Variants in TBC1D30 observed in about 807,000 individuals in gnomAD.
TBC1D30 encodes the protein TBC1 domain family, member 30.
Under a neutral mutation model 63.2 loss-of-function variants are expected in TBC1D30, and 31 were observed. The ratio of observed to expected loss-of-function variants is 0.49; its 90% CI spans 0.37 to 0.66. TBC1D30 has a LOEUF of 0.66. Among genes scored for constraint, TBC1D30 ranks in the 30% least tolerant of loss-of-function variants. The probability of loss-of-function intolerance (pLI) is 0.00; values close to 1 mark genes in which losing one functional copy is unlikely to be tolerated. For missense variants in TBC1D30, 810 were observed against 953.6 expected, an observed-to-expected ratio of 0.85 and a Z score of 1.98; for synonymous variants, 307 against 361.5, an observed-to-expected ratio of 0.85 and a Z score of 1.71.
intron 8 of TBC1D30, among the ~76,000 whole-genome samples, chr12:64,844,306 CTT>C (rs148554615): frequency 0.029 from 4,417 of 152,146 alleles, 196 homozygotes; most frequent in African/African-American, 0.1. Flanking sequence ...TTCATCAAGT[CTT>C]TGAAATTGAC....
At chr12:64,762,007 CA>C (rs1452406684) in intron 1 of TBC1D30, among the ~76,000 whole-genome samples, 3 of 152,112 alleles carry the variant, frequency 2.0e-5, no homozygotes. Context: ...TATATGATTA[CA>C]AATAGACATG....
intron 2 of TBC1D30, among the ~76,000 whole-genome samples, chr12:64,809,422 C>T (rs1873076151): frequency 6.6e-6 from 1 of 152,156 alleles, no homozygotes; most frequent in African/African-American, 2.4e-5. Context: ...CTGCAAATGC[C>T]ATTATTTCAT....
At chr12:64,792,690 C>T (rs1871994191) in intron 2 of TBC1D30, among the ~76,000 whole-genome samples, 1 of 152,166 alleles carries the variant, frequency 6.6e-6, no homozygotes, top group South Asian at 2.1e-4. Context: ...TTGCTTCAGC[C>T]TCCCCAAGTA....
intron 2 of TBC1D30, among the ~76,000 whole-genome samples, chr12:64,803,087 G>A (rs1176532871): frequency 6.6e-6 from 1 of 152,160 alleles, no homozygotes; most frequent in Non-Finnish European, 1.5e-5. Flanking sequence ...CTTCCACAAT[G>A]GTTGAACTAG....
chr12:64,826,297 T>C (rs1017139379), intron 1 of TBC1D30, among the ~76,000 whole-genome samples: 9 of 152,180 alleles, frequency 5.9e-5, no homozygotes, highest in Non-Finnish European at 7.3e-5. Context: ...GAGAGGATAG[T>C]TGTGGTTTTG....
rs146935911 is a variant in TBC1D30 at position 64,843,232 on chromosome 12, C to A, written c.933-148C>A. 42 of 640,626 alleles carry A rather than the reference C, an allele frequency of 6.6e-5. No individual in the cohort carries two copies. The African/African-American group carries it at 7.0e-4, about 11-fold the overall frequency. The allele number at this position is 640,626 out of a possible 1,614,324, so 39.7% of individuals were successfully genotyped here. A position where few individuals can be genotyped will look rare whatever the true frequency, so the allele number is the denominator to read the frequency against. On this transcript the variant is annotated intron_variant, in intron 7 of 11. Coordinates refer to ENST00000539867, the MANE Select transcript of TBC1D30 (RefSeq NM_015279.2). ...CTGCATTGAGGCTCCTGGCCTCAAG[C>A]AATCCTCCCGCCCCAGCCTCCCAGA...
intron 2 of TBC1D30, among the ~76,000 whole-genome samples, chr12:64,819,642 C>T (rs970061404): frequency 6.6e-6 from 1 of 151,952 alleles, no homozygotes; most frequent in East Asian, 1.9e-4. Context: ...GTCAGTCTCC[C>T]GAAGTGCTGA....
At chr12:64,832,046 C>CAA in intron 4 of TBC1D30, 73 bp from the exon 5 acceptor site, 10 of 1,156,006 alleles carry the variant, frequency 8.7e-6, no homozygotes, top group East Asian at 3.1e-5. Context: ...TTTATTGAGT[C>CAA]AAAAAAAAAA....
intron 8 of TBC1D30, among the ~76,000 whole-genome samples, chr12:64,848,388 G>A (rs1876576116): frequency 6.6e-6 from 1 of 151,664 alleles, no homozygotes; most frequent in African/African-American, 2.4e-5. Flanking sequence ...ACCTGTCATC[G>A]ATGTTAGGTA....
intron 2 of TBC1D30, 24 bp downstream of exon 2, chr12:64,827,920 C>T: frequency 2.0e-6 from 3 of 1,510,108 alleles, no homozygotes; most frequent in Non-Finnish European, 2.7e-6. Flanking sequence ...TGAAAACACT[C>T]TTCTTTTGGG....
rs144142724 is a variant in TBC1D30 at position 64,793,236 on chromosome 12, G to A, written c.643+7191G>A. The stretch of plus-strand genomic sequence containing the variant: ...CATGCATCTGTAGTCCCAGCTACTC[G>A]GGAGGCTGAGGCATGATAATCACAT... On this transcript the variant is annotated intron_variant, in intron 2 of 12. Transcript: ENST00000542120. 3.0e-3 allele frequency among the ~76,000 whole-genome samples: 457 copies of A among 151,654 alleles called. 1 individual carries two copies. The highest frequency in any genetic ancestry group is 5.7e-3 in the Non-Finnish European group (384 of 67,868).
intron 5 of TBC1D30, among the ~76,000 whole-genome samples, chr12:64,833,716 C>T (rs1027097900): frequency 3.9e-5 from 6 of 152,288 alleles, no homozygotes; most frequent in African/African-American, 1.4e-4. Context: ...CTCACTTTTT[C>T]CATTGATGTA....
intron 4 of TBC1D30, among the ~76,000 whole-genome samples, chr12:64,831,823 T>C (rs751997395): frequency 1.3e-5 from 2 of 152,198 alleles, no homozygotes. Flanking sequence ...CATGAAATTA[T>C]ACTGTAATTA....
chr12:64,792,159 A>G (rs1415900594), intron 2 of TBC1D30, among the ~76,000 whole-genome samples: 1 of 152,240 alleles, frequency 6.6e-6, no homozygotes, highest in African/African-American at 2.4e-5. Context: ...TAATACATAT[A>G]TGTATTTTTT....
At chr12:64,773,013 A>C (rs1870960694) in intron 1 of TBC1D30, among the ~76,000 whole-genome samples, 1 of 152,246 alleles carries the variant, frequency 6.6e-6, no homozygotes, top group African/African-American at 2.4e-5. Context: ...TTCTGCATTA[A>C]TAGTTTACTC....
At chr12:64,859,471 T>C (rs888165591) in intron 8 of TBC1D30, among the ~76,000 whole-genome samples, 1 of 152,128 alleles carries the variant, frequency 6.6e-6, no homozygotes, top group African/African-American at 2.4e-5. Flanking sequence ...CACGGGCAGC[T>C]CTGTGAAGGA....
Position 64,840,004 on chromosome 12 carries a change from C to CAAAAAAAAAA in TBC1D30, c.932+1168_932+1177dup, listed in dbSNP as rs60440376. ...TGGACGACAGAGCAAGACTCTGTCT[C>CAAAAAAAAAA]AAAAAAAAAAAAAAAAAAAAAAAAT... On this transcript the variant is annotated intron_variant, in intron 7 of 11. Transcript: ENST00000539867. 1.0e-3 allele frequency among the ~76,000 whole-genome samples: 98 copies of CAAAAAAAAAA among 98,314 alleles called. 5 individuals carry two copies. The highest frequency in any genetic ancestry group is 4.8e-3 in the African/African-American group (92 of 19,328). The allele number at this position is 98,314 out of a possible 152,430, so 64.5% of individuals were successfully genotyped here.
rs1393727338 is a variant in TBC1D30, at chr12:64,875,364, A to G, written c.1862A>G (p.Glu621Gly). The change falls in exon 12 of 12, where the codon GAA (glutamate) becomes GGA (glycine). Residue 621 changes from glutamate to glycine, a missense_variant. Physicochemically the swap from Glu to Gly is moderately conservative, Grantham distance 98. Coordinates refer to ENST00000539867, the MANE Select transcript of TBC1D30 (RefSeq NM_015279.2). Reference protein sequence around the residue: ...PSGCTATAGREGSSPEGSTRR... With the variant: ...PSGCTATAGRGGSSPEGSTRR... The stretch of plus-strand genomic sequence containing the variant: ...GGTTGTACAGCGACAGCTGGGAGAG[A>G]AGGCAGCAGCCCTGAAGGCAGTACC... 6.5e-7 allele frequency: 1 copy of G among 1,536,072 alleles called. No individual in the cohort carries two copies. Among genetic ancestry groups the G allele is most frequent in the East Asian group, 2.4e-5 (1 of 40,920 alleles).
intron 2 of TBC1D30, among the ~76,000 whole-genome samples, chr12:64,819,471 C>T (rs1873759324): frequency 7.4e-6 from 1 of 134,374 alleles, no homozygotes; most frequent in African/African-American, 2.8e-5. Context: ...GCTGCCAGTG[C>T]AGTGGCATGA....
Sources: allele counts gnomAD v4.1 joint callset (sites outside exome capture counted in the v4.1 genomes callset), GRCh38; gene constraint gnomAD v4.1.1; transcripts MANE v1.5; gene names NCBI Gene and HGNC (gene_info 2026-07-23, HGNC 2026-07-21).